Variants in OCIAD1 observed in about 807,000 individuals in gnomAD.
OCIAD1 encodes OCIA domain containing 1, also known as OCIA domain-containing protein 1.
Under a neutral mutation model 38.9 loss-of-function variants are expected in OCIAD1, and 29 were observed. That is an observed-to-expected ratio of 0.74 (90% confidence interval 0.55 to 1.02). OCIAD1 has a LOEUF of 1.02. Ranked by LOEUF, OCIAD1 falls within the 50% of genes least tolerant of loss-of-function variation. The pLI is 0.00. For synonymous variants in OCIAD1, 110 were observed against 92.0 expected, an observed-to-expected ratio of 1.20 and a Z score of -1.12; for missense variants, 288 against 289.6, an observed-to-expected ratio of 0.99 and a Z score of 0.04.
At chr4:48,813,094 G>A (rs1244722204) in intron 1 of OCIAD1, among the ~76,000 whole-genome samples, 2 of 152,178 alleles carry the variant, frequency 1.3e-5, no homozygotes, top group Non-Finnish European at 2.9e-5. Flanking sequence ...CTCTTGTCAT[G>A]ACCTCTATCT....
chr4:48,823,958 C>T (rs761731299), intron 1 of OCIAD1, among the ~76,000 whole-genome samples: 1 of 146,510 alleles, frequency 6.8e-6, no homozygotes. Flanking sequence ...TGAGCCACTA[C>T]ACCTGGCTTT....
At chr4:48,815,311 A>C (rs747059015) in intron 1 of OCIAD1, among the ~76,000 whole-genome samples, 1 of 152,202 alleles carries the variant, frequency 6.6e-6, no homozygotes, top group Non-Finnish European at 1.5e-5. Context: ...CTCCATCTCA[A>C]AAAAAAGAAA....
At position 48,860,757 on chromosome 4, in the gene OCIAD1, G is replaced by A. The variant is rs746303177; in HGVS notation, c.733G>A (p.Glu245Lys). ...AAACAAGTATGGAGATACTTGGGATGAGTGAAAAATTACATCATTGGACAT... is the reference window on the plus strand; with the variant it reads ...AAACAAGTATGGAGATACTTGGGATAAGTGAAAAATTACATCATTGGACAT... The part of the protein sequence containing the change: ...KVNKYGDTWD[E>K] The change falls in exon 9 of 9, where the codon GAG (glutamate) becomes AAG (lysine). Residue 245 changes from glutamate (E) to lysine (K), a missense_variant. Coordinates refer to ENST00000264312, the MANE Select transcript of OCIAD1 (RefSeq NM_017830.4). The A allele has an allele frequency of 6.2e-7, 1 of 1,604,286 alleles. No homozygotes were observed. Among genetic ancestry groups the A allele is most frequent in the Admixed American group, 1.7e-5 (1 of 59,460 alleles).
At chr4:48,853,377 G>A (rs900771918) in intron 7 of OCIAD1, among the ~76,000 whole-genome samples, 1 of 152,090 alleles carries the variant, frequency 6.6e-6, no homozygotes, top group African/African-American at 2.4e-5. Flanking sequence ...TGAATGGATG[G>A]ATATTAAGTA....
chr4:48,855,131 G>A (rs566062049), intron 7 of OCIAD1, among the ~76,000 whole-genome samples: 1 of 152,262 alleles, frequency 6.6e-6, no homozygotes, highest in South Asian at 2.1e-4. Context: ...GACCTGGAAG[G>A]AACTTCAGAG....
chr4:48,835,226 G>A (rs1451212447), intron 3 of OCIAD1, among the ~76,000 whole-genome samples: 3 of 152,066 alleles, frequency 2.0e-5, no homozygotes, highest in African/African-American at 7.2e-5. Flanking sequence ...GAGCCACTGC[G>A]CCTGGCCCTG....
chr4:48,848,342 T>A, intron 4 of OCIAD1, 57 bp from the exon 5 acceptor site: 2 of 812,662 alleles, frequency 2.5e-6, no homozygotes, highest in Non-Finnish European at 4.2e-6. Context: ...AGATAGCCTT[T>A]ACTGATTTTT....
intron 5 of OCIAD1, among the ~76,000 whole-genome samples, chr4:48,849,415 T>G (rs1176691339): frequency 2.0e-5 from 3 of 152,200 alleles, no homozygotes; most frequent in Admixed American, 6.5e-5. Context: ...TTGAAACTCA[T>G]GTGATGCAGT....
chr4:48,841,604 A>G (rs1194904384), intron 3 of OCIAD1, among the ~76,000 whole-genome samples: 2 of 152,206 alleles, frequency 1.3e-5, no homozygotes, highest in Non-Finnish European at 2.9e-5. Flanking sequence ...GATGTTTGGC[A>G]TGAACTGTAT....
intron 1 of OCIAD1, among the ~76,000 whole-genome samples, chr4:48,814,016 G>C (rs188898465): frequency 6.6e-6 from 1 of 152,254 alleles, no homozygotes; most frequent in Non-Finnish European, 1.5e-5. Flanking sequence ...TTAAGACTGA[G>C]ATTGATGTGT....
chr4:48,819,640 T>C (rs1164643380), intron 1 of OCIAD1, among the ~76,000 whole-genome samples: 1 of 143,220 alleles, frequency 7.0e-6, no homozygotes, highest in Non-Finnish European at 1.5e-5. Flanking sequence ...CAGTGTGCTA[T>C]ATTGAAGAGA....
intron 2 of OCIAD1, 107 bp downstream of exon 2, chr4:48,832,789 A>G (rs1330548153): frequency 2.6e-6 from 2 of 781,032 alleles, no homozygotes; most frequent in Non-Finnish European, 4.6e-6. Flanking sequence ...GCATGTGCAG[A>G]CAGCGCCCCA....
chr4:48,833,939 A>C (rs1437276451), intron 3 of OCIAD1, among the ~76,000 whole-genome samples: 3 of 152,166 alleles, frequency 2.0e-5, no homozygotes, highest in African/African-American at 7.2e-5. Flanking sequence ...ATAGCAGATT[A>C]GTTCCCATTT....
chr4:48,858,311 T>G (rs140381180), intron 8 of OCIAD1, among the ~76,000 whole-genome samples: 1 of 152,356 alleles, frequency 6.6e-6, no homozygotes, highest in Non-Finnish European at 1.5e-5. Context: ...ATTTTCCTAA[T>G]GATACATCTA....
intron 1 of OCIAD1, among the ~76,000 whole-genome samples, chr4:48,820,612 A>G (rs1416234388): frequency 6.6e-6 from 1 of 152,248 alleles, no homozygotes; most frequent in Non-Finnish European, 1.5e-5. Context: ...TGAATCCAGG[A>G]GCTGGTTTTT....
chr4:48,850,478 C>T (rs1779341499), intron 6 of OCIAD1, among the ~76,000 whole-genome samples: 1 of 152,188 alleles, frequency 6.6e-6, no homozygotes, highest in Admixed American at 6.5e-5. Context: ...GTTGCCCAGG[C>T]TGGTGTTGAA....
chr4:48,813,056 G>C (rs558712811), intron 1 of OCIAD1, among the ~76,000 whole-genome samples: 1 of 152,110 alleles, frequency 6.6e-6, no homozygotes, highest in Non-Finnish European at 1.5e-5. Flanking sequence ...CATACTATAC[G>C]GGTACAGGTG....
At chr4:48,812,826 A>AACAGC in intron 1 of OCIAD1, among the ~76,000 whole-genome samples, 1 of 152,216 alleles carries the variant, frequency 6.6e-6, no homozygotes, top group Non-Finnish European at 1.5e-5. Flanking sequence ...TCTTGCTGTT[A>AACAGC]AAGCTGAGAA....
rs1779160180 is a variant in OCIAD1, at chr4:48,848,532, CAT to C, written c.241+89_241+90del. 8.0e-6 allele frequency: 5 copies of C among 621,992 alleles called. No individual in the cohort carries two copies. In the Admixed American group the frequency reaches 1.2e-4, roughly 15 times the overall value. 38.5% of individuals were successfully genotyped at this position (621,992 alleles called of 1,614,324 possible). A position where few individuals can be genotyped will look rare whatever the true frequency, so the allele number is the denominator to read the frequency against. On this transcript the variant is annotated intron_variant, in intron 5 of 8. Transcript: ENST00000264312. ...ATCAAATGTTTTATCATGTCTTACT[CAT>C]ATTAGTTATGTGGTTACATGCTCTG...
Sources: gnomAD v4.1 joint callset for allele counts (sites outside exome capture counted in the v4.1 genomes callset) on GRCh38, gnomAD v4.1.1 for gene constraint, MANE v1.5 for transcripts, NCBI Gene and HGNC (gene_info 2026-07-23, HGNC 2026-07-21) for gene names.